Variants in MASP1 observed in about 807,000 individuals in gnomAD.
MASP1 encodes the protein mannan-binding lectin serine protease 1.
In MASP1, 59 loss-of-function variants were observed where a neutral mutation model predicts 77.1. The ratio of observed to expected loss-of-function variants is 0.77; its 90% CI spans 0.62 to 0.95. MASP1 has a LOEUF of 0.95. MASP1 is among the 40% of genes least tolerant of loss of function. The pLI is 0.00. For missense variants in MASP1, 885 were observed against 912.9 expected, an observed-to-expected ratio of 0.97 and a Z score of 0.39; for synonymous variants, 362 against 354.5, an observed-to-expected ratio of 1.02 and a Z score of -0.24.
intron 4 of MASP1, among the ~76,000 whole-genome samples, chr3:187,259,877 C>T (rs1208497782): frequency 1.3e-5 from 2 of 152,336 alleles, no homozygotes; most frequent in Non-Finnish European, 2.9e-5. Context: ...CTGGACCACA[C>T]TAATCTATTG....
At chr3:187,251,412 T>TTA in intron 7 of MASP1, 1 of 456,510 alleles carries the variant, frequency 2.2e-6, no homozygotes. Flanking sequence ...ATGCTCTGAT[T>TTA]AAAAAAAAAA....
intron 8 of MASP1, chr3:187,247,136 A>C: frequency 6.9e-7 from 1 of 1,456,508 alleles, no homozygotes; most frequent in Non-Finnish European, 9.0e-7. Flanking sequence ...ATGATGGGCA[A>C]ACCCTCAAGT....
At chr3:187,285,503 T>C (rs1380148216) in intron 2 of MASP1, among the ~76,000 whole-genome samples, 1 of 152,008 alleles carries the variant, frequency 6.6e-6, no homozygotes, top group Non-Finnish European at 1.5e-5. Context: ...CTGAGGTCTC[T>C]GCCCTTTTCT....
downstream of MASP1, among the ~76,000 whole-genome samples, chr3:187,231,867 A>G (rs1021073314): frequency 6.6e-6 from 1 of 152,252 alleles, no homozygotes; most frequent in African/African-American, 2.4e-5. Flanking sequence ...AATTTTTACC[A>G]TAAGGCTTAG....
intron 4 of MASP1, 132 bp from the exon 5 acceptor site, chr3:187,256,992 C>G: frequency 1.3e-6 from 1 of 770,486 alleles, no homozygotes; most frequent in South Asian, 1.5e-5. Context: ...CTCCATTTTA[C>G]AGATGGGAAA....
Position 187,267,421 on chromosome 3 carries a change from G to A in MASP1, c.238-4701C>T, listed in dbSNP as rs138226693. Among the ~76,000 whole-genome samples, 1,364 of 152,274 alleles carry A rather than the reference G, an allele frequency of 9.0e-3. 35 individuals carry two copies. The highest frequency in any genetic ancestry group is 0.058 in the Admixed American group (882 of 15,290). The stretch of plus-strand genomic sequence containing the variant: ...CCAGTTTAGTTAATCTGGGAGCTAC[G>A]TTCCCCAGACTTTCTTTCCCTGTAT... On this transcript the variant is annotated intron_variant, in intron 2 of 10. Transcript: ENST00000296280.
At chr3:187,223,550 G>A (rs1344595278) in intron 13 of MASP1, among the ~76,000 whole-genome samples, 1 of 152,172 alleles carries the variant, frequency 6.6e-6, no homozygotes, top group Non-Finnish European at 1.5e-5. Context: ...GCTCAATCAA[G>A]AACAGCGAAT....
At chr3:187,255,032 C>T (rs1247914717) in intron 5 of MASP1, among the ~76,000 whole-genome samples, 1 of 152,084 alleles carries the variant, frequency 6.6e-6, no homozygotes, top group Non-Finnish European at 1.5e-5. Context: ...CTGACCTTCA[C>T]CCCTAGTGTT....
chr3:187,237,762 C>T, intron 10 of MASP1, among the ~76,000 whole-genome samples: 1 of 152,228 alleles, frequency 6.6e-6, no homozygotes, highest in East Asian at 1.9e-4. Flanking sequence ...TGGAGGTAGA[C>T]CTACTATGAG....
chr3:187,262,450 A>G (rs1715664881), intron 3 of MASP1, 93 bp downstream of exon 3: 4 of 1,266,228 alleles, frequency 3.2e-6, no homozygotes, highest in Admixed American at 3.4e-5. Flanking sequence ...TGGTGCACAC[A>G]CAGATTTCCA....
downstream of MASP1, chr3:187,229,803 C>G: frequency 6.2e-7 from 1 of 1,614,188 alleles, no homozygotes; most frequent in Non-Finnish European, 8.5e-7. Context: ...TCAGGTGTGA[C>G]AGCATGGCAA....
chr3:187,230,022 A>T, downstream of MASP1: 1 of 1,044,864 alleles, frequency 9.6e-7, no homozygotes, highest in Non-Finnish European at 1.4e-6. Flanking sequence ...CCATTAATTG[A>T]CCTTCCTGAT....
Position 187,234,657 on chromosome 3 carries a change from A to G in MASP1, c.*1027T>C. On this transcript the variant is annotated 3_prime_UTR_variant, in exon 11 of 11. Transcript: ENST00000296280. ...GGATTCTCCGCCCAGCTCATGCCCC[A>G]GGGATGCCAGGCAGCCTGGCAGGAT... The G allele has an allele frequency of 7.8e-7, 1 of 1,287,180 alleles. No homozygotes were observed. Among genetic ancestry groups the G allele is most frequent in the Non-Finnish European group, 1.0e-6 (1 of 988,658 alleles). The allele number at this position is 1,287,180 out of a possible 1,614,324, so 79.7% of individuals were successfully genotyped here. A position where few individuals can be genotyped will look rare whatever the true frequency, so the allele number is the denominator to read the frequency against.
rs80054450 is a variant in MASP1, at chr3:187,271,851, G to A, written c.238-9131C>T. Among the ~76,000 whole-genome samples the A allele has an allele frequency of 9.9e-3, 1,500 of 152,212 alleles. 10 individuals are homozygous for A. Among genetic ancestry groups the A allele is most frequent in the Non-Finnish European group, 0.017 (1,126 of 68,028 alleles). On this transcript the variant is annotated intron_variant, in intron 2 of 10. Transcript: ENST00000296280. ...CCCCCCTTGTCTTCCCTTCATCACA[G>A]AACATGGCGTGGGAACTCCTCAGCA...
At chr3:187,257,326 T>A (rs1715180107) in intron 4 of MASP1, among the ~76,000 whole-genome samples, 1 of 152,202 alleles carries the variant, frequency 6.6e-6, no homozygotes, top group African/African-American at 2.4e-5. Flanking sequence ...TGCTATTCAC[T>A]CTGTTCAACT....
chr3:187,268,199 G>A (rs959530333), intron 2 of MASP1, among the ~76,000 whole-genome samples: 3 of 152,166 alleles, frequency 2.0e-5, no homozygotes, highest in African/African-American at 7.2e-5. Flanking sequence ...TGTATGTAAT[G>A]GGCAAGGTGT....
Position 187,286,004 on chromosome 3 carries a change from G to A in MASP1, c.58C>T (p.His20Tyr), listed in dbSNP as rs1382780907. ...LCFSLSKASA[H>Y]TVELNNMFGQ... ...AACATATTGTTTAGCTCCACGGTGT[G>A]GGCTGAAGCCTTTGACAGGGAGAAG... The change falls in exon 2 of 11, where the codon CAC becomes TAC. Residue 20 changes from histidine to tyrosine, a missense_variant. By Grantham distance (83) the His-to-Tyr change is moderately conservative. Transcript: ENST00000296280. The A allele has an allele frequency of 6.2e-7, 1 of 1,614,198 alleles. No homozygotes were observed. Among genetic ancestry groups the A allele is most frequent in the South Asian group, 1.1e-5 (1 of 91,086 alleles).
In MASP1 at chr3:187,235,045, T is replaced by C. The variant is rs746182048; in HGVS notation, c.*639A>G. On this transcript the variant is annotated 3_prime_UTR_variant, in exon 11 of 11. Coordinates refer to ENST00000296280, the MANE Select transcript of MASP1 (RefSeq NM_139125.4). Reference sequence around the variant, plus strand: ...TTTCTCCATGTCTTTTGAAATTCCTTTAATGGGGAACATAAGGGATAAGGC... The same window carrying C: ...TTTCTCCATGTCTTTTGAAATTCCTCTAATGGGGAACATAAGGGATAAGGC... The C allele has an allele frequency of 1.9e-5, 24 of 1,287,224 alleles. No homozygotes were observed. In the South Asian group the frequency reaches 2.7e-4, roughly 15 times the overall value. 79.7% of individuals were successfully genotyped at this position (1,287,224 alleles called of 1,614,324 possible).
At chr3:187,223,959 C>A (rs1281351689) in intron 13 of MASP1, among the ~76,000 whole-genome samples, 1 of 152,232 alleles carries the variant, frequency 6.6e-6, no homozygotes, top group African/African-American at 2.4e-5. Context: ...GCAAGGCTTG[C>A]ATGGTTCGTA....
Sources: gnomAD v4.1 joint callset for allele counts (sites outside exome capture counted in the v4.1 genomes callset) on GRCh38, gnomAD v4.1.1 for gene constraint, MANE v1.5 for transcripts, NCBI Gene and HGNC (gene_info 2026-07-23, HGNC 2026-07-21) for gene names.